Variants in PDE3A observed in about 807,000 individuals in gnomAD.
The protein encoded by PDE3A is phosphodiesterase 3A.
PDE3A carries 43 observed loss-of-function variants against 98.3 expected under a neutral mutation model. The ratio of observed to expected loss-of-function variants is 0.44; its 90% CI spans 0.34 to 0.56. PDE3A has a LOEUF of 0.56. PDE3A is among the 20% of genes least tolerant of loss of function. The pLI, the probability that PDE3A is intolerant of heterozygous loss-of-function variation, is 0.01. For missense variants in PDE3A, 1,427 were observed against 1,440.7 expected (o/e 0.99, Z 0.15); for synonymous variants, 663 against 567.9 (o/e 1.17, Z -2.38).
chr12:20,562,952 A>G (rs1942565329), intron 2 of PDE3A, among the ~76,000 whole-genome samples: 2 of 152,204 alleles, frequency 1.3e-5, no homozygotes, highest in Non-Finnish European at 2.9e-5. Context: ...TGCACACTAG[A>G]CTATCATCAG....
chr12:20,376,218 T>TA (rs1184828725), intron 1 of PDE3A, among the ~76,000 whole-genome samples: 1 of 151,864 alleles, frequency 6.6e-6, no homozygotes, highest in Non-Finnish European at 1.5e-5. Flanking sequence ...AAGGCTGTAG[T>TA]TAGTAGACTA....
intron 1 of PDE3A, among the ~76,000 whole-genome samples, chr12:20,381,879 CCT>C (rs1490221697): frequency 7.3e-5 from 11 of 151,678 alleles, no homozygotes; most frequent in African/African-American, 1.9e-4. Flanking sequence ...TAACTTCTCC[CCT>C]GTTGATAATT....
chr12:20,556,508 C>T lies in PDE3A; in HGVS notation c.961-152C>T, dbSNP rs547282036. On this transcript the variant is annotated intron_variant, in intron 1 of 15. Transcript: ENST00000359062. The stretch of plus-strand genomic sequence containing the variant: ...TATTAGCTATCAAACCAGGAGTTTG[C>T]TACTAATTTAGGTATGTTAATTTAT... 1.3e-5 allele frequency: 8 copies of T among 613,406 alleles called. No individual in the cohort carries two copies. In the South Asian group the frequency reaches 1.7e-4, roughly 13 times the overall value. The allele number at this position is 613,406 out of a possible 1,614,324, so 38.0% of individuals were successfully genotyped here.
chr12:20,644,198 A>G (rs552387739), intron 10 of PDE3A, among the ~76,000 whole-genome samples: 13 of 152,294 alleles, frequency 8.5e-5, no homozygotes, highest in African/African-American at 2.4e-4. Context: ...GGTCATTACT[A>G]TCTTCTACCG....
At chr12:20,645,702 G>C (rs1944760661) in intron 10 of PDE3A, among the ~76,000 whole-genome samples, 1 of 152,094 alleles carries the variant, frequency 6.6e-6, no homozygotes, top group Non-Finnish European at 1.5e-5. Flanking sequence ...TTTGAAAGAA[G>C]TTGAACTGCA....
intron 15 of PDE3A, among the ~76,000 whole-genome samples, chr12:20,666,314 A>G (rs577669984): frequency 6.6e-6 from 1 of 152,216 alleles, no homozygotes; most frequent in East Asian, 1.9e-4. Flanking sequence ...CACTATTTTA[A>G]AGTATGCAAT....
At chr12:20,553,154 T>A in intron 1 of PDE3A, 5 of 830,134 alleles carry the variant, frequency 6.0e-6, no homozygotes, top group Non-Finnish European at 9.2e-6. Flanking sequence ...CCTTTTTTTT[T>A]TTTTATTTTT....
intron 1 of PDE3A, among the ~76,000 whole-genome samples, chr12:20,525,975 A>G (rs1029532491): frequency 9.2e-5 from 14 of 152,208 alleles, no homozygotes; most frequent in African/African-American, 2.9e-4. Context: ...CACTTTTCTC[A>G]GTAAAAGAAA....
rs1944532634 is a variant in PDE3A at position 20,637,130 on chromosome 12, G to A, written c.2032G>A (p.Val678Ile). The A allele has an allele frequency of 6.2e-7, 1 of 1,609,400 alleles. No individual in the cohort carries two copies. Among genetic ancestry groups the A allele is most frequent in the African/African-American group, 1.3e-5 (1 of 74,750 alleles). ...DKPILAPEPL[V>I]MDNLDSIMEQ... The stretch of plus-strand genomic sequence containing the variant: ...ACCAATTCTTGCTCCCGAACCTCTT[G>A]TCATGGATAACCTGGACTCAATTAT... The change falls in exon 9 of 16, where the codon GTC (valine) becomes ATC (isoleucine). Residue 678 changes from valine (V) to isoleucine (I), a missense_variant. Transcript: ENST00000359062.
intron 1 of PDE3A, among the ~76,000 whole-genome samples, chr12:20,436,101 G>A (rs141541473): frequency 6.6e-6 from 1 of 151,996 alleles, no homozygotes; most frequent in Non-Finnish European, 1.5e-5. Context: ...AGAAATGCAG[G>A]GTCTCAGGTT....
chr12:20,674,381 G>C (rs1287582209), intron 15 of PDE3A, among the ~76,000 whole-genome samples: 1 of 152,130 alleles, frequency 6.6e-6, no homozygotes, highest in Non-Finnish European at 1.5e-5. Flanking sequence ...CTAGTTCTTA[G>C]AGGAAAGGCT....
intron 2 of PDE3A, among the ~76,000 whole-genome samples, chr12:20,588,838 C>T (rs1217631626): frequency 1.3e-5 from 2 of 152,158 alleles, no homozygotes; most frequent in South Asian, 2.1e-4. Context: ...ACACCTCAAC[C>T]CTTCCCACTG....
At position 20,682,462 on chromosome 12, in the gene PDE3A, C is replaced by T. The variant is rs1016839248; in HGVS notation, c.*2191C>T. 7.9e-5 allele frequency: 12 copies of T among 151,938 alleles called. No individual in the cohort carries two copies. The highest frequency in any genetic ancestry group is 1.7e-4 in the African/African-American group (7 of 41,356). The allele number at this position is 151,938 out of a possible 1,614,324, so 9.4% of individuals were successfully genotyped here. A position where few individuals can be genotyped will look rare whatever the true frequency, so the allele number is the denominator to read the frequency against. On this transcript the variant is annotated 3_prime_UTR_variant, in exon 16 of 16. Coordinates refer to ENST00000359062, the MANE Select transcript of PDE3A (RefSeq NM_000921.5). ...TTTAAAAAATAAGGCAAAGATAATA[C>T]GACAAAAAATATACATGGTTTCAAG...
rs1175147130 is a variant in PDE3A at position 20,435,509 on chromosome 12, GA to G, written c.960+65269del. On this transcript the variant is annotated intron_variant, in intron 1 of 15. Transcript: ENST00000359062. Reference sequence around the variant, plus strand: ...GGAACAATAGTGTAACAATGTCAAAGAAAATTTGTCTGGGAGGTAGGAAGAT... The same window carrying G: ...GGAACAATAGTGTAACAATGTCAAAGAAATTTGTCTGGGAGGTAGGAAGAT... Among the ~76,000 whole-genome samples, 5 of 151,986 alleles carry G rather than the reference GA, an allele frequency of 3.3e-5. No individual in the cohort carries two copies. The East Asian group carries it at 9.6e-4, about 29-fold the overall frequency.
chr12:20,616,817 G>A (rs1394979354), intron 4 of PDE3A, among the ~76,000 whole-genome samples: 3 of 151,994 alleles, frequency 2.0e-5, no homozygotes, highest in African/African-American at 7.3e-5. Flanking sequence ...AGACAAAAGA[G>A]CAAATCAAAA....
chr12:20,544,006 G>C (rs932935946), intron 1 of PDE3A, among the ~76,000 whole-genome samples: 1 of 151,646 alleles, frequency 6.6e-6, no homozygotes, highest in African/African-American at 2.4e-5. Flanking sequence ...GTCAGAATTG[G>C]GATTTGAACC....
chr12:20,664,992 T>C (rs1480680248), intron 15 of PDE3A, among the ~76,000 whole-genome samples: 1 of 152,190 alleles, frequency 6.6e-6, no homozygotes, highest in Non-Finnish European at 1.5e-5. Context: ...GTCCTGTTGA[T>C]TCTCCCATAC....
intron 2 of PDE3A, among the ~76,000 whole-genome samples, chr12:20,607,991 A>G (rs2121432764): frequency 6.6e-6 from 1 of 152,328 alleles, no homozygotes. Flanking sequence ...AGGCATGGAA[A>G]AAACTTCTGT....
chr12:20,674,357 C>T (rs986082135), intron 15 of PDE3A, among the ~76,000 whole-genome samples: 1 of 152,144 alleles, frequency 6.6e-6, no homozygotes. Flanking sequence ...TGATAGTGAG[C>T]ACCTTGTCCT....
Sources: allele counts gnomAD v4.1 joint callset (sites outside exome capture counted in the v4.1 genomes callset), GRCh38; gene constraint gnomAD v4.1.1; transcripts MANE v1.5; gene names NCBI Gene and HGNC (gene_info 2026-07-23, HGNC 2026-07-21).